SGMS1: variants seen among roughly 807,000 people sequenced by gnomAD.
SGMS1 encodes sphingomyelin synthase 1.
A neutral mutation model predicts 46.2 loss-of-function variants in SGMS1; 13 were observed. That is an observed-to-expected ratio of 0.28 (90% confidence interval 0.18 to 0.45). The LOEUF (loss-of-function observed/expected upper bound fraction) is 0.45. SGMS1 is among the 20% of genes least tolerant of loss of function. The probability of loss-of-function intolerance (pLI) is 1.00; values close to 1 mark genes in which losing one functional copy is unlikely to be tolerated. For missense variants in SGMS1, 324 were observed against 519.9 expected, an observed-to-expected ratio of 0.62 and a Z score of 3.66; for synonymous variants, 203 against 187.8, an observed-to-expected ratio of 1.08 and a Z score of -0.66.
chr10:50,404,251 G>T (rs1848981472), intron 6 of SGMS1, among the ~76,000 whole-genome samples: 1 of 151,958 alleles, frequency 6.6e-6, no homozygotes, highest in South Asian at 2.1e-4. Context: ...TTAAAACTTG[G>T]TGAATGAAAA....
intron 6 of SGMS1, among the ~76,000 whole-genome samples, chr10:50,390,795 T>C (rs1186409728): frequency 2.1e-4 from 32 of 152,228 alleles, no homozygotes; most frequent in Admixed American, 2.1e-3. Flanking sequence ...ATTTCTTTAC[T>C]GTATCAAGTA....
intron 6 of SGMS1, among the ~76,000 whole-genome samples, chr10:50,422,665 C>G (rs751343580): frequency 3.3e-5 from 5 of 152,226 alleles, no homozygotes; most frequent in Non-Finnish European, 5.9e-5. Context: ...AAACATCACT[C>G]TCAACCACAA....
intron 1 of SGMS1, among the ~76,000 whole-genome samples, chr10:50,614,789 G>A (rs1281735825): frequency 6.6e-6 from 1 of 152,222 alleles, no homozygotes; most frequent in Non-Finnish European, 1.5e-5. Context: ...ACCTACTTCT[G>A]TTATTTCTGC....
chr10:50,456,123 T>G (rs1434270685), intron 5 of SGMS1, among the ~76,000 whole-genome samples: 1 of 152,164 alleles, frequency 6.6e-6, no homozygotes, highest in African/African-American at 2.4e-5. Context: ...TTTCCATCTC[T>G]TTTACATCCA....
chr10:50,347,021 T>A (rs1040874177), intron 6 of SGMS1, among the ~76,000 whole-genome samples: 1 of 152,062 alleles, frequency 6.6e-6, no homozygotes, highest in African/African-American at 2.4e-5. Context: ...TAACAACCAA[T>A]CAAGTGGCAA....
At chr10:50,621,160 G>T (rs1838846185) in intron 1 of SGMS1, among the ~76,000 whole-genome samples, 1 of 151,810 alleles carries the variant, frequency 6.6e-6, no homozygotes, top group Admixed American at 6.6e-5. Flanking sequence ...CTGGGTGACA[G>T]AATAAAACCC....
chr10:50,510,717 C>A (rs549662131), intron 3 of SGMS1, among the ~76,000 whole-genome samples: 3 of 152,034 alleles, frequency 2.0e-5, no homozygotes, highest in Middle Eastern at 3.4e-3. Context: ...CCATATCTTA[C>A]GTAATAACTA....
intron 7 of SGMS1, among the ~76,000 whole-genome samples, chr10:50,340,224 G>A (rs1215564239): frequency 6.6e-6 from 1 of 152,180 alleles, no homozygotes; most frequent in African/African-American, 2.4e-5. Context: ...TCTTCTTCAG[G>A]TGTTCACCAT....
intron 3 of SGMS1, among the ~76,000 whole-genome samples, chr10:50,468,761 A>T (rs961288707): frequency 3.3e-5 from 5 of 152,256 alleles, no homozygotes; most frequent in African/African-American, 1.2e-4. Flanking sequence ...AACATAGTTG[A>T]AAAAGGGCAC....
intron 8 of SGMS1, among the ~76,000 whole-genome samples, chr10:50,323,152 A>G (rs1228316601): frequency 6.6e-6 from 1 of 152,204 alleles, no homozygotes; most frequent in Admixed American, 6.5e-5. Context: ...CTGAGCGATT[A>G]TATTTTGTGA....
intron 5 of SGMS1, among the ~76,000 whole-genome samples, chr10:50,434,841 G>A (rs1372843207): frequency 2.8e-5 from 4 of 142,440 alleles, no homozygotes; most frequent in African/African-American, 1.0e-4. Flanking sequence ...CCGAGATCAC[G>A]CCACTGCACT....
At chr10:50,591,505 CAATTACTAT>C (rs1838540872) in intron 1 of SGMS1, among the ~76,000 whole-genome samples, 1 of 152,024 alleles carries the variant, frequency 6.6e-6, no homozygotes, top group Admixed American at 6.6e-5. Flanking sequence ...TCATTATTAC[CAATTACTAT>C]AATTACTATT....
chr10:50,431,583 T>G (rs1290672104), intron 6 of SGMS1, among the ~76,000 whole-genome samples: 1 of 152,180 alleles, frequency 6.6e-6, no homozygotes, highest in South Asian at 2.1e-4. Flanking sequence ...TTCGTTTTTT[T>G]CCTCCATTTC....
chr10:50,459,389 C>A (rs1837236001), intron 5 of SGMS1, among the ~76,000 whole-genome samples: 1 of 152,124 alleles, frequency 6.6e-6, no homozygotes, highest in African/African-American at 2.4e-5. Context: ...GTAGAGAAGA[C>A]TAAAATTCCA....
At chr10:50,319,797 C>T (rs1282293608) in intron 8 of SGMS1, among the ~76,000 whole-genome samples, 1 of 152,130 alleles carries the variant, frequency 6.6e-6, no homozygotes. Flanking sequence ...CTTGACTATG[C>T]GAGTGTCTAC....
chr10:50,344,233 G>C lies in SGMS1; in HGVS notation c.-119C>G, dbSNP rs1336193320. 11 of 1,381,222 alleles carry C rather than the reference G, an allele frequency of 8.0e-6. No individual in the cohort carries two copies. In the East Asian group the frequency reaches 2.6e-4, roughly 32 times the overall value. 85.6% of individuals were successfully genotyped at this position (1,381,222 alleles called of 1,614,324 possible). A position where few individuals can be genotyped will look rare whatever the true frequency, so the allele number is the denominator to read the frequency against. ...TTCATCCTGTGGGGCCTCATGAGCA[G>C]AGACTTGTTTGGCAAGATGGTCAGG... On this transcript the variant is annotated 5_prime_UTR_variant, in exon 7 of 11. Transcript: ENST00000361781.
chr10:50,347,028 G>A (rs996921619), intron 6 of SGMS1, among the ~76,000 whole-genome samples: 2 of 152,216 alleles, frequency 1.3e-5, no homozygotes, highest in Middle Eastern at 3.4e-3. Flanking sequence ...CAATCAAGTG[G>A]CAATAATAGC....
In SGMS1 at chr10:50,457,874, T is replaced by C. The variant is rs576999281; in HGVS notation, c.-313+2799A>G. Among the ~76,000 whole-genome samples the C allele has an allele frequency of 4.6e-5, 7 of 152,330 alleles. No individual in the cohort carries two copies. In the East Asian group the frequency reaches 1.3e-3, roughly 29 times the overall value. ...TACCTAAAATTCTGAGATTCATATA[T>C]AAATGCCAGAGCTGTCCTTAACTGT... On this transcript the variant is annotated intron_variant, in intron 5 of 10. Coordinates refer to ENST00000361781, the MANE Select transcript of SGMS1 (RefSeq NM_147156.4).
intron 2 of SGMS1, among the ~76,000 whole-genome samples, chr10:50,582,988 A>C (rs16906317): frequency 0.032 from 4,883 of 152,302 alleles, 280 homozygotes; most frequent in African/African-American, 0.11. Context: ...GGACAGCTTT[A>C]AAGGTTGACA....
Sources: gnomAD v4.1 joint callset for allele counts (sites outside exome capture counted in the v4.1 genomes callset) on GRCh38, gnomAD v4.1.1 for gene constraint, MANE v1.5 for transcripts, NCBI Gene and HGNC (gene_info 2026-07-23, HGNC 2026-07-21) for gene names.